The following SEL1L variants were observed in gnomAD, a reference collection of about 807,000 sequenced individuals.
SEL1L encodes protein sel-1 homolog 1.
Under a neutral mutation model 109.8 loss-of-function variants are expected in SEL1L, and 52 were observed. The observed-to-expected ratio is 0.47, with a 90% CI of 0.38 to 0.60. The LOEUF (loss-of-function observed/expected upper bound fraction) is 0.60. Ranked by LOEUF, SEL1L falls within the 20% of genes least tolerant of loss-of-function variation. The pLI, the probability that SEL1L is intolerant of heterozygous loss-of-function variation, is 0.00. For synonymous variants in SEL1L, 373 were observed against 339.6 expected, an observed-to-expected ratio of 1.10 and a Z score of -1.08; for missense variants, 749 against 962.2, an observed-to-expected ratio of 0.78 and a Z score of 2.93.
At chr14:81,490,289 G>T in intron 13 of SEL1L, 99 bp downstream of exon 13, 3 of 830,598 alleles carry the variant, frequency 3.6e-6, no homozygotes, top group South Asian at 3.2e-5. Flanking sequence ...ATAATGTATA[G>T]CATGAGTTGG....
intron 19 of SEL1L, among the ~76,000 whole-genome samples, chr14:81,481,217 T>A (rs1423309111): frequency 6.6e-6 from 1 of 152,188 alleles, no homozygotes; most frequent in Non-Finnish European, 1.5e-5. Context: ...GGTGGGAATT[T>A]TCACTTAAAA....
chr14:81,529,143 C>T (rs935480844), intron 1 of SEL1L, among the ~76,000 whole-genome samples: 1 of 152,218 alleles, frequency 6.6e-6, no homozygotes, highest in Non-Finnish European at 1.5e-5. Context: ...CCACAGCGCC[C>T]ATAACATTAG....
At chr14:81,498,183 A>G in intron 9 of SEL1L, 137 bp from the exon 10 acceptor site, 1 of 922,928 alleles carries the variant, frequency 1.1e-6, no homozygotes, top group Non-Finnish European at 1.6e-6. Context: ...GTCTATATAG[A>G]TCGCAAATCA....
intron 1 of SEL1L, among the ~76,000 whole-genome samples, chr14:81,529,183 C>T (rs1468328192): frequency 1.3e-5 from 2 of 152,126 alleles, no homozygotes; most frequent in Admixed American, 6.5e-5. Flanking sequence ...AACAATTGTC[C>T]TTCATGCTAA....
rs200414085 is a variant in SEL1L, at chr14:81,487,545, G to GA, written c.1484-8dup. On this transcript the variant is annotated splice_region_variant and splice_polypyrimidine_tract_variant and intron_variant, in intron 15 of 20. Coordinates refer to ENST00000336735, the MANE Select transcript of SEL1L (RefSeq NM_005065.6). ...CTCTTGACTCCAATGCCATCTGTAA[G>GA]AAAAAAAAAAATCACACGAGATAAT... 0.016 allele frequency: 18,809 copies of GA among 1,159,074 alleles called. 46 individuals carry two copies. The highest frequency in any genetic ancestry group is 0.055 in the African/African-American group (3,356 of 61,544). The allele number at this position is 1,159,074 out of a possible 1,614,324, so 71.8% of individuals were successfully genotyped here.
At chr14:81,513,638 C>T (rs12893669) in intron 3 of SEL1L, among the ~76,000 whole-genome samples, 107,757 of 152,012 alleles carry the variant, frequency 0.71, 38,277 homozygotes, top group African/African-American at 0.75. Flanking sequence ...TTCTGTCCTA[C>T]TTTTCCTTAG....
At chr14:81,480,315 G>C (rs919390701) in intron 19 of SEL1L, among the ~76,000 whole-genome samples, 4 of 152,024 alleles carry the variant, frequency 2.6e-5, no homozygotes, top group African/African-American at 9.7e-5. Context: ...TCAGCTTCCC[G>C]AGTAGCTGGG....
chr14:81,504,333 A>C (rs1282370736), intron 4 of SEL1L, 27 bp from the exon 5 acceptor site: 2 of 1,490,592 alleles, frequency 1.3e-6, no homozygotes, highest in Non-Finnish European at 1.8e-6. Context: ...AGATGCATTT[A>C]AATGGATTTT....
intron 10 of SEL1L, among the ~76,000 whole-genome samples, chr14:81,497,219 C>A (rs1383136969): frequency 6.6e-6 from 1 of 152,114 alleles, no homozygotes; most frequent in Non-Finnish European, 1.5e-5. Context: ...TAAGACTCCA[C>A]TGCTAGTCTT....
intron 19 of SEL1L, among the ~76,000 whole-genome samples, chr14:81,482,353 T>C (rs1038748304): frequency 6.6e-6 from 1 of 152,184 alleles, no homozygotes. Flanking sequence ...CATGTGATCT[T>C]TATATTAGTC....
chr14:81,526,801 A>T lies in SEL1L; in HGVS notation c.272T>A (p.Ile91Asn). 1 of 1,608,036 alleles carries T rather than the reference A, an allele frequency of 6.2e-7. No homozygotes were observed. The highest frequency in any genetic ancestry group is 8.5e-7 in the Non-Finnish European group (1 of 1,178,374). ...SQEGESVTEDISFLESPNPEN... is the reference protein window; with the variant it reads ...SQEGESVTEDNSFLESPNPEN... ...TGGATTTGGAGACTCTAGAAAGCTG[A>T]TATCTTCTGTGACACTTTCCCCCTC... Residue 91 changes from isoleucine (I) to asparagine (N), a missense_variant, in exon 3 of 21, where the codon ATC (isoleucine) becomes AAC (asparagine). This residue lies in a region of SEL1L where 366 missense variants were observed against 399.8 expected (regional missense o/e 0.92). Coordinates refer to ENST00000336735, the MANE Select transcript of SEL1L (RefSeq NM_005065.6).
In SEL1L at chr14:81,506,063, G is replaced by A. The variant is rs370884202; in HGVS notation, c.508+11C>T. On this transcript the variant is annotated intron_variant, in intron 4 of 20. Transcript: ENST00000336735. Reference sequence around the variant, plus strand: ...GCAATGCAGATCTGCCTCCTACTGAGCAATACTTACTTTCACAAAAGCCCC... The same window carrying A: ...GCAATGCAGATCTGCCTCCTACTGAACAATACTTACTTTCACAAAAGCCCC... 19 of 1,612,610 alleles carry A rather than the reference G, an allele frequency of 1.2e-5. No individual in the cohort carries two copies. The highest frequency in any genetic ancestry group is 1.4e-5 in the Non-Finnish European group (17 of 1,179,162).
At chr14:81,518,556 A>G (rs958414556) in intron 3 of SEL1L, among the ~76,000 whole-genome samples, 9 of 148,936 alleles carry the variant, frequency 6.0e-5, no homozygotes, top group African/African-American at 2.0e-4. Context: ...GCTGCTTGGG[A>G]GACTGAGGCA....
chr14:81,510,478 C>CTA lies in SEL1L; in HGVS notation c.341-4238_341-4237insTA. The stretch of plus-strand genomic sequence containing the variant: ...AAACATAGCTAGAATGCTGATCTCT[C>CTA]TCTCTCTCTCTCTCTCTCTCTCTCT... On this transcript the variant is annotated intron_variant, in intron 3 of 20. Coordinates refer to ENST00000336735, the MANE Select transcript of SEL1L (RefSeq NM_005065.6). 3.3e-5 allele frequency among the ~76,000 whole-genome samples: 3 copies of CTA among 90,280 alleles called. 1 individual carries two copies. The South Asian group carries it at 1.1e-3, about 34-fold the overall frequency. 59.2% of individuals were successfully genotyped at this position (90,280 alleles called of 152,430 possible). A position where few individuals can be genotyped will look rare whatever the true frequency, so the allele number is the denominator to read the frequency against.
intron 18 of SEL1L, 187 bp from the exon 19 acceptor site, chr14:81,484,584 C>G: frequency 1.9e-6 from 1 of 531,116 alleles, no homozygotes. Flanking sequence ...AGAAGTGTAG[C>G]TCTTCTGCAG....
chr14:81,504,326 T>C lies in SEL1L; in HGVS notation c.509-20A>G, dbSNP rs752926194. 3.3e-6 allele frequency: 5 copies of C among 1,509,024 alleles called. No individual in the cohort carries two copies. The highest frequency in any genetic ancestry group is 4.5e-6 in the Non-Finnish European group (5 of 1,109,678). 93.5% of individuals were successfully genotyped at this position (1,509,024 alleles called of 1,614,324 possible). ...CTTCAGCTAAAAACAAAACGTCAGA[T>C]GCATTTAAATGGATTTTAATTCTAT... On this transcript the variant is annotated intron_variant, in intron 4 of 20. Coordinates refer to ENST00000336735, the MANE Select transcript of SEL1L (RefSeq NM_005065.6).
At chr14:81,504,874 C>A (rs1017723200) in intron 4 of SEL1L, among the ~76,000 whole-genome samples, 1 of 152,144 alleles carries the variant, frequency 6.6e-6, no homozygotes, top group Non-Finnish European at 1.5e-5. Flanking sequence ...CCTGCTCCCA[C>A]CATATGAGAC....
At chr14:81,512,055 GTTTAAT>G (rs754934831) in intron 3 of SEL1L, among the ~76,000 whole-genome samples, 15 of 152,180 alleles carry the variant, frequency 9.9e-5, no homozygotes, top group Non-Finnish European at 1.5e-5. Flanking sequence ...ATTTGTGATG[GTTTAAT>G]TTTGTGTGTC....
chr14:81,495,424 C>A (rs997052101), intron 10 of SEL1L, among the ~76,000 whole-genome samples: 1 of 152,018 alleles, frequency 6.6e-6, no homozygotes, highest in Admixed American at 6.6e-5. Context: ...TCACTTGAGC[C>A]CAGGAGTTGA....
Sources: gnomAD v4.1 joint callset for allele counts (sites outside exome capture counted in the v4.1 genomes callset) on GRCh38, gnomAD v4.1.1 for gene constraint, gnomAD v4.1.1 regional missense constraint, MANE v1.5 for transcripts, NCBI Gene and HGNC (gene_info 2026-07-23, HGNC 2026-07-21) for gene names.